TTC7B: variants seen among roughly 807,000 people sequenced by gnomAD.
The protein encoded by TTC7B is tetratricopeptide repeat protein 7B.
Under a neutral mutation model 106.8 loss-of-function variants are expected in TTC7B, and 28 were observed. That is an observed-to-expected ratio of 0.26 (90% CI 0.19 to 0.36). The LOEUF (loss-of-function observed/expected upper bound fraction) is 0.36, where lower values mean the gene tolerates loss of function less well. Among genes scored for constraint, TTC7B ranks in the 10% least tolerant of loss-of-function variants. The pLI is 1.00. For synonymous variants in TTC7B, 405 were observed against 430.6 expected, an observed-to-expected ratio of 0.94 and a Z score of 0.74; for missense variants, 862 against 1,076.4, an observed-to-expected ratio of 0.80 and a Z score of 2.79.
chr14:90,816,216 G>T lies in TTC7B; in HGVS notation c.80C>A (p.Pro27His). 1 of 1,274,794 alleles carries T rather than the reference G, an allele frequency of 7.8e-7. No homozygotes were observed. The highest frequency in any genetic ancestry group is 1.3e-5 in the South Asian group (1 of 79,510). The allele number at this position is 1,274,794 out of a possible 1,614,324, so 79.0% of individuals were successfully genotyped here. ...CRSECQWERI[P>H]ELVKQLSAKL... is the part of the protein sequence containing the mutation. The stretch of plus-strand genomic sequence containing the variant: ...GGCCGACAGCTGCTTGACGAGCTCA[G>T]GGATCCGCTCCCACTGGCACTCGGA... Residue 27 changes from proline to histidine, a missense_variant, in exon 1 of 20, where the codon CCT (proline) becomes CAT (histidine). By Grantham distance (77) the Pro-to-His change is moderately conservative (BLOSUM62 -2). Transcript: ENST00000328459.
At position 90,742,324 on chromosome 14, in the gene TTC7B, C is replaced by T. The variant is rs906920827; in HGVS notation, c.576+2468G>A. On this transcript the variant is annotated intron_variant, in intron 4 of 19. Coordinates refer to ENST00000328459, the MANE Select transcript of TTC7B (RefSeq NM_001010854.2). The surrounding 1 kb of genome is among the most constrained non-coding windows in gnomAD (Gnocchi z 4.1). ...CCCTCCCTCCTTTCTCTTTCTCTTTCTCTCTCTCTCTCTTTCTCTCTTCCT... is the reference window on the plus strand; with the variant it reads ...CCCTCCCTCCTTTCTCTTTCTCTTTTTCTCTCTCTCTCTTTCTCTCTTCCT... 8.7e-5 allele frequency among the ~76,000 whole-genome samples: 13 copies of T among 149,248 alleles called. No homozygotes were observed. The highest frequency in any genetic ancestry group is 7.4e-4 in the Admixed American group (11 of 14,862).
rs1889796711 is a variant in TTC7B at position 90,742,245 on chromosome 14, T to C, written c.576+2547A>G. Reference sequence around the variant, plus strand: ...TCGTTTCGTTCGCTTCTTTCTTTCTTCCTTTCTTTCTTTTTTTTCTTTTGT... The same window carrying C: ...TCGTTTCGTTCGCTTCTTTCTTTCTCCCTTTCTTTCTTTTTTTTCTTTTGT... On this transcript the variant is annotated intron_variant, in intron 4 of 19. Coordinates refer to ENST00000328459, the MANE Select transcript of TTC7B (RefSeq NM_001010854.2). The surrounding 1 kb of genome is among the most constrained non-coding windows in gnomAD (Gnocchi z 4.1). Among the ~76,000 whole-genome samples, 1 of 151,074 alleles carries C rather than the reference T, an allele frequency of 6.6e-6. No individual in the cohort carries two copies. The highest frequency in any genetic ancestry group is 1.5e-5 in the Non-Finnish European group (1 of 67,208).
rs542597343 is a variant in TTC7B at position 90,637,715 on chromosome 14, A to C, written c.1751+6333T>G. Among the ~76,000 whole-genome samples the C allele has an allele frequency of 3.3e-5, 5 of 152,382 alleles. No individual in the cohort carries two copies. The South Asian group carries it at 1.0e-3, about 32-fold the overall frequency. ...AGGTGAGTTTAACATTTAAAAATATAAATTAATATATAACATTCATAGATG... is the reference window on the plus strand; with the variant it reads ...AGGTGAGTTTAACATTTAAAAATATCAATTAATATATAACATTCATAGATG... On this transcript the variant is annotated intron_variant, in intron 15 of 19. Coordinates refer to ENST00000328459, the MANE Select transcript of TTC7B (RefSeq NM_001010854.2).
At chr14:90,668,372 T>A (rs1452925838) in intron 9 of TTC7B, among the ~76,000 whole-genome samples, 2 of 152,178 alleles carry the variant, frequency 1.3e-5, no homozygotes, top group Non-Finnish European at 2.9e-5. Flanking sequence ...TTTCTCAAAG[T>A]CTCACAGCTA....
intron 3 of TTC7B, among the ~76,000 whole-genome samples, chr14:90,746,266 G>A (rs1395729307): frequency 1.3e-5 from 2 of 152,096 alleles, no homozygotes; most frequent in African/African-American, 4.8e-5. Flanking sequence ...TTCGATATAG[G>A]GTCATTCAGA....
intron 15 of TTC7B, among the ~76,000 whole-genome samples, chr14:90,627,369 G>A (rs1044505718): frequency 2.1e-4 from 32 of 152,096 alleles, no homozygotes; most frequent in African/African-American, 3.4e-4. Context: ...CTCACAGGGC[G>A]TTCCTGCCAC....
intron 3 of TTC7B, among the ~76,000 whole-genome samples, chr14:90,745,279 G>A (rs1889918475): frequency 7.9e-6 from 1 of 126,572 alleles, no homozygotes; most frequent in African/African-American, 3.1e-5. Context: ...CTGGGCAATA[G>A]ATGGAGACCC....
chr14:90,572,433 A>G (rs940828572), intron 19 of TTC7B, among the ~76,000 whole-genome samples: 1 of 152,122 alleles, frequency 6.6e-6, no homozygotes, highest in Non-Finnish European at 1.5e-5. Flanking sequence ...CCTACCATCA[A>G]TCTGCCGCAC....
chr14:90,749,996 TG>T (rs1655573943), intron 3 of TTC7B, among the ~76,000 whole-genome samples: 1 of 152,258 alleles, frequency 6.6e-6, no homozygotes, highest in South Asian at 2.1e-4. Context: ...ATGTTGTTTA[TG>T]CAATTGAAAA....
At position 90,553,790 on chromosome 14, in the gene TTC7B, C is replaced by T. The variant is rs1055238644; in HGVS notation, c.2311-12201G>A. On this transcript the variant is annotated intron_variant, in intron 19 of 19. Coordinates refer to ENST00000328459, the MANE Select transcript of TTC7B (RefSeq NM_001010854.2). ...AATTCTGCTGCTTAACATAGCTCCT[C>T]GAAGGAGACCTGGCTGTGGGTCCAG... Among the ~76,000 whole-genome samples, 7 of 152,332 alleles carry T rather than the reference C, an allele frequency of 4.6e-5. No homozygotes were observed. The East Asian group carries it at 1.2e-3, about 25-fold the overall frequency.
intron 5 of TTC7B, among the ~76,000 whole-genome samples, chr14:90,722,940 C>G (rs117829478): frequency 0.019 from 2,832 of 152,310 alleles, 42 homozygotes; most frequent in Middle Eastern, 0.034. Flanking sequence ...GCTGTCTTCT[C>G]TCTTTACTCT....
chr14:90,658,164 T>C (rs900389607), intron 10 of TTC7B, 140 bp downstream of exon 10: 10 of 706,940 alleles, frequency 1.4e-5, no homozygotes, highest in Non-Finnish European at 2.4e-5. Context: ...GATTGTTCAC[T>C]GAGAACGGAC....
chr14:90,590,587 C>T (rs1274163360), intron 18 of TTC7B, among the ~76,000 whole-genome samples: 7 of 152,184 alleles, frequency 4.6e-5, no homozygotes, highest in Admixed American at 2.0e-4. Flanking sequence ...ATGATGGACA[C>T]AGGAAACAGA....
chr14:90,541,223 G>T lies in TTC7B; in HGVS notation c.*145C>A. 1 of 630,566 alleles carries T rather than the reference G, an allele frequency of 1.6e-6. No homozygotes were observed. Among genetic ancestry groups the T allele is most frequent in the Non-Finnish European group, 2.6e-6 (1 of 387,414 alleles). The allele number at this position is 630,566 out of a possible 1,614,324, so 39.1% of individuals were successfully genotyped here. A position where few individuals can be genotyped will look rare whatever the true frequency, so the allele number is the denominator to read the frequency against. On this transcript the variant is annotated 3_prime_UTR_variant, in exon 20 of 20. Coordinates refer to ENST00000328459, the MANE Select transcript of TTC7B (RefSeq NM_001010854.2). Reference sequence around the variant, plus strand: ...ATGGCGAGAGCGATGATTCGGGGTTGGTTTGGTTGGTTCACTGTGGCCCAC... The same window carrying T: ...ATGGCGAGAGCGATGATTCGGGGTTTGTTTGGTTGGTTCACTGTGGCCCAC...
chr14:90,661,428 C>T (rs766994333), intron 9 of TTC7B, among the ~76,000 whole-genome samples: 6 of 152,038 alleles, frequency 3.9e-5, no homozygotes, highest in Admixed American at 1.3e-4. Flanking sequence ...GCGGGAGAGA[C>T]GTAACCCAGG....
At position 90,591,015 on chromosome 14, in the gene TTC7B, G is replaced by T. The variant is rs545373415; in HGVS notation, c.2107+2471C>A. Among the ~76,000 whole-genome samples, 5 of 152,276 alleles carry T rather than the reference G, an allele frequency of 3.3e-5. No homozygotes were observed. In the South Asian group the frequency reaches 1.0e-3, roughly 32 times the overall value. ...CCTATGGGCCATGCAATGAGAAACG[G>T]ATCTTGTGTGATTATATTAAAATTC... is the stretch of plus-strand genomic sequence containing the variant. On this transcript the variant is annotated intron_variant, in intron 18 of 19. Transcript: ENST00000328459.
At chr14:90,729,776 G>A (rs1000071957) in intron 5 of TTC7B, among the ~76,000 whole-genome samples, 2 of 152,136 alleles carry the variant, frequency 1.3e-5, no homozygotes, top group Non-Finnish European at 2.9e-5. Context: ...ATTCATGGAG[G>A]GAGGGCATGG....
Position 90,654,856 on chromosome 14 carries a change from C to T in TTC7B, c.1459+137G>A, listed in dbSNP as rs918360763. The T allele has an allele frequency of 3.1e-5, 21 of 671,694 alleles. No homozygotes were observed. In the Admixed American group the frequency reaches 5.3e-4, roughly 17 times the overall value. The allele number at this position is 671,694 out of a possible 1,614,324, so 41.6% of individuals were successfully genotyped here. A position where few individuals can be genotyped will look rare whatever the true frequency, so the allele number is the denominator to read the frequency against. On this transcript the variant is annotated intron_variant, in intron 12 of 19. Transcript: ENST00000328459. ...GCAAAGAGGACAGCAGCACCAGGGG[C>T]CCCACCGGATGGCACACCAGAATGC...
chr14:90,580,332 CA>C (rs1254314994), intron 18 of TTC7B, among the ~76,000 whole-genome samples: 7 of 152,202 alleles, frequency 4.6e-5, no homozygotes, highest in African/African-American at 1.4e-4. Flanking sequence ...CATGGTGATC[CA>C]GTAGGTACTA....
Sources: allele counts gnomAD v4.1 joint callset (sites outside exome capture counted in the v4.1 genomes callset), GRCh38; gene constraint gnomAD v4.1.1; non-coding constraint Gnocchi (gnomAD v3.1); transcripts MANE v1.5; gene names NCBI Gene and HGNC (gene_info 2026-07-23, HGNC 2026-07-21).